GBP5: variants seen among roughly 807,000 people sequenced by gnomAD.
GBP5 encodes guanylate binding protein 5, also known as guanylate-binding protein 5.
A neutral mutation model predicts 58.2 loss-of-function variants in GBP5; 48 were observed. The observed-to-expected ratio is 0.83, with a 90% confidence interval of 0.65 to 1.05. The LOEUF (loss-of-function observed/expected upper bound fraction) is 1.05, where lower values mean the gene tolerates loss of function less well. Ranked by LOEUF, GBP5 falls within the 50% of genes least tolerant of loss-of-function variation. GBP5 has a pLI of 0.00. For synonymous variants in GBP5, 248 were observed against 251.8 expected, an observed-to-expected ratio of 0.98 and a Z score of 0.14; for missense variants, 714 against 686.8, an observed-to-expected ratio of 1.04 and a Z score of -0.44.
rs138104873 is a variant in GBP5 at position 89,260,797 on chromosome 1, G to A, written c.1668C>T (p.Ser556=). The A allele has an allele frequency of 8.1e-6, 13 of 1,613,592 alleles. No individual in the cohort carries two copies. Among genetic ancestry groups the A allele is most frequent in the Non-Finnish European group, 9.3e-6 (11 of 1,179,624 alleles). ...TTCTATTTTGAGCTTGGAATGTTGT[G>A]CTGAGCTGTGCAGCCTGTTCCTAAA... The part of the protein sequence containing the change: ...QQMQEQAAQL[S]TTFQAQNRSL... Residue 556 remains serine (S), a synonymous_variant, in exon 12 of 12, where the codon AGC becomes AGT. Coordinates refer to ENST00000370459, the MANE Select transcript of GBP5 (RefSeq NM_052942.5).
At chr1:89,272,009 A>AT (rs777608483) in intron 1 of GBP5, 16 of 152,276 alleles carry the variant, frequency 1.1e-4, no homozygotes, top group Non-Finnish European at 1.9e-4. Context: ...TCTGGGCAAC[A>AT]TTTTTTTCTT....
At chr1:89,266,839 G>A in intron 6 of GBP5, 118 bp downstream of exon 6, 1 of 654,624 alleles carries the variant, frequency 1.5e-6, no homozygotes, top group Non-Finnish European at 2.4e-6. Flanking sequence ...TTATTTTTTA[G>A]GAGAGCTGGG....
At position 89,267,153 on chromosome 1, in the gene GBP5, G is replaced by A. The variant is rs778090602; in HGVS notation, c.429C>T (p.His143=). Residue 143 remains histidine, a splice_region_variant and synonymous_variant, in exon 6 of 12, where the codon CAC becomes CAT. Coordinates refer to ENST00000370459, the MANE Select transcript of GBP5 (RefSeq NM_052942.5). ...GCAGATCTGTCAGTTCTGTCACATTGCTGAGATGCAATTAAAGAAAACTGG... is the reference window on the plus strand; with the variant it reads ...GCAGATCTGTCAGTTCTGTCACATTACTGAGATGCAATTAAAGAAAACTGG... ...KIDQGAIDLL[H]NVTELTDLLK... 5.7e-6 allele frequency: 9 copies of A among 1,577,378 alleles called. No individual in the cohort carries two copies. The East Asian group carries it at 9.0e-5, about 16-fold the overall frequency.
chr1:89,262,030 G>A, intron 11 of GBP5, 190 bp downstream of exon 11: 2 of 575,940 alleles, frequency 3.5e-6, no homozygotes, highest in South Asian at 2.3e-5. Context: ...AGGAAAATTA[G>A]GCACAGAGGT....
Position 89,260,692 on chromosome 1 carries a change from A to G in GBP5, c.*12T>C. ...CAAAGAGTAAAAAAAGGAAACTCCCATATTTAGCACTTTAGAGTAAAACAC... is the reference window on the plus strand; with the variant it reads ...CAAAGAGTAAAAAAAGGAAACTCCCGTATTTAGCACTTTAGAGTAAAACAC... On this transcript the variant is annotated 3_prime_UTR_variant, in exon 12 of 12. Transcript: ENST00000370459. The G allele has an allele frequency of 6.4e-7, 1 of 1,558,776 alleles. No homozygotes were observed. Among genetic ancestry groups the G allele is most frequent in the Non-Finnish European group, 8.8e-7 (1 of 1,130,198 alleles).
chr1:89,261,983 T>A lies in GBP5; in HGVS notation c.1647+237A>T, dbSNP rs1650019618. The A allele has an allele frequency of 2.9e-5, 15 of 522,348 alleles. No individual in the cohort carries two copies. The Admixed American group carries it at 3.8e-4, about 13-fold the overall frequency. 32.4% of individuals were successfully genotyped at this position (522,348 alleles called of 1,614,324 possible). On this transcript the variant is annotated intron_variant, in intron 11 of 11. Transcript: ENST00000370459. ...TCATTTAATTATCAAAATAACCCTA[T>A]AACATAGATATCATCACTGTGTCCA...
At position 89,267,560 on chromosome 1, in the gene GBP5, T is replaced by C. The variant is rs912032910; in HGVS notation, c.319-34A>G. On this transcript the variant is annotated intron_variant, in intron 4 of 11. Coordinates refer to ENST00000370459, the MANE Select transcript of GBP5 (RefSeq NM_052942.5). ...CAGACCAAATTTAAGTCATGTCTCA[T>C]GGGATTCCCAGATGAGCGATATTTA... 4.2e-5 allele frequency: 56 copies of C among 1,336,930 alleles called. No homozygotes were observed. In the Middle Eastern group the frequency reaches 5.4e-4, roughly 13 times the overall value. The allele number at this position is 1,336,930 out of a possible 1,614,324, so 82.8% of individuals were successfully genotyped here.
At chr1:89,262,114 A>G in intron 11 of GBP5, 106 bp downstream of exon 11, 1 of 1,097,020 alleles carries the variant, frequency 9.1e-7, no homozygotes, top group Non-Finnish European at 1.4e-6. Flanking sequence ...TTCTGGCTCC[A>G]GACTCCCTGC....
At chr1:89,269,278 G>T in intron 3 of GBP5, 88 bp downstream of exon 3, 1 of 1,302,880 alleles carries the variant, frequency 7.7e-7, no homozygotes, top group Non-Finnish European at 1.1e-6. Context: ...TCATCCTCAT[G>T]TCTTACTCTC....
At chr1:89,267,984 T>C (rs961737730) in intron 4 of GBP5, among the ~76,000 whole-genome samples, 1 of 152,146 alleles carries the variant, frequency 6.6e-6, no homozygotes, top group Non-Finnish European at 1.5e-5. Context: ...CTTTAAGTCC[T>C]GGCAAATCAA....
At chr1:89,269,643 G>T in intron 2 of GBP5, 69 bp from the exon 3 acceptor site, 1 of 1,094,766 alleles carries the variant, frequency 9.1e-7, no homozygotes, top group Non-Finnish European at 1.4e-6. Context: ...AAGTCATTTT[G>T]CTTACTGAAC....
Position 89,263,727 on chromosome 1 carries a change from T to C in GBP5, c.1362+9A>G. 6.3e-7 allele frequency: 1 copy of C among 1,593,148 alleles called. No homozygotes were observed. Among genetic ancestry groups the C allele is most frequent in the Non-Finnish European group, 8.6e-7 (1 of 1,161,330 alleles). On this transcript the variant is annotated intron_variant, in intron 9 of 11. Coordinates refer to ENST00000370459, the MANE Select transcript of GBP5 (RefSeq NM_052942.5). ...AGCAATTCTCCACAATAGGTAGAAC[T>C]AGGGATACCTGTATTCCTTTCCGAG...
Position 89,263,728 on chromosome 1 carries a change from A to G in GBP5, c.1362+8T>C, listed in dbSNP as rs896872337. On this transcript the variant is annotated splice_region_variant and intron_variant, in intron 9 of 11. Transcript: ENST00000370459. ...GCAATTCTCCACAATAGGTAGAACT[A>G]GGGATACCTGTATTCCTTTCCGAGG... 3.1e-6 allele frequency: 5 copies of G among 1,598,550 alleles called. No individual in the cohort carries two copies. The South Asian group carries it at 4.4e-5, about 14-fold the overall frequency.
Position 89,260,763 on chromosome 1 carries a change from T to G in GBP5, c.1702A>C (p.Ser568Arg). The G allele has an allele frequency of 1.2e-6, 2 of 1,614,150 alleles. No homozygotes were observed. Among genetic ancestry groups the G allele is most frequent in the South Asian group, 2.2e-5 (2 of 91,078 alleles). The change falls in exon 12 of 12, where the codon AGT becomes CGT. Residue 568 changes from serine to arginine, a missense_variant. By Grantham distance (110) the Ser-to-Arg change is moderately radical. Coordinates refer to ENST00000370459, the MANE Select transcript of GBP5 (RefSeq NM_052942.5). ...GTCCTCTGGGCGTGCTGGAGCTCACTGAGAAGGCTTCTATTTTGAGCTTGG... is the reference window on the plus strand; with the variant it reads ...GTCCTCTGGGCGTGCTGGAGCTCACGGAGAAGGCTTCTATTTTGAGCTTGG... ...TFQAQNRSLL[S>R]ELQHAQRTVN...
At position 89,262,580 on chromosome 1, in the gene GBP5, T is replaced by C. The variant is rs1650050785; in HGVS notation, c.1465+103A>G. On this transcript the variant is annotated intron_variant, in intron 10 of 11. Transcript: ENST00000370459. ...ATGCTTGAGGAGCTAAGAAGCATCTTTGCCATTCTTGCTCTAGTTTAACAT... is the reference window on the plus strand; with the variant it reads ...ATGCTTGAGGAGCTAAGAAGCATCTCTGCCATTCTTGCTCTAGTTTAACAT... The C allele has an allele frequency of 4.4e-6, 4 of 914,770 alleles. No homozygotes were observed. The South Asian group carries it at 6.0e-5, about 14-fold the overall frequency. The allele number at this position is 914,770 out of a possible 1,614,324, so 56.7% of individuals were successfully genotyped here. A position where few individuals can be genotyped will look rare whatever the true frequency, so the allele number is the denominator to read the frequency against.
rs1283526021 is a variant in GBP5, at chr1:89,260,705, T to C, written c.1760A>G (p.Ter587=). 1.2e-6 allele frequency: 2 copies of C among 1,602,738 alleles called. No homozygotes were observed. The highest frequency in any genetic ancestry group is 1.7e-5 in the Admixed American group (1 of 59,982). The change falls in exon 12 of 12, where the codon TAA becomes TGA. Residue 587 remains the stop codon, a stop_retained_variant. Coordinates refer to ENST00000370459, the MANE Select transcript of GBP5 (RefSeq NM_052942.5). The part of the protein sequence containing the change: ...VNNDDPCVLL[*] ...AAGGAAACTCCCATATTTAGCACTTTAGAGTAAAACACATGGATCATCGTT... is the reference window on the plus strand; with the variant it reads ...AAGGAAACTCCCATATTTAGCACTTCAGAGTAAAACACATGGATCATCGTT...
In GBP5 at chr1:89,260,783, G is replaced by C; in HGVS notation, c.1682C>G (p.Ala561Gly). ...CTCACTGAGAAGGCTTCTATTTTGA[G>C]CTTGGAATGTTGTGCTGAGCTGTGC... ...QAAQLSTTFQ[A>G]QNRSLLSELQ... The change falls in exon 12 of 12, where the codon GCT (alanine) becomes GGT (glycine). Residue 561 changes from alanine to glycine, a missense_variant. Coordinates refer to ENST00000370459, the MANE Select transcript of GBP5 (RefSeq NM_052942.5). The C allele has an allele frequency of 6.2e-7, 1 of 1,614,044 alleles. No individual in the cohort carries two copies. Among genetic ancestry groups the C allele is most frequent in the Non-Finnish European group, 8.5e-7 (1 of 1,179,944 alleles).
Position 89,259,806 on chromosome 1 carries a change from G to A in GBP5, c.*898C>T, listed in dbSNP as rs1272683302. 6.6e-6 allele frequency: 1 copy of A among 152,380 alleles called. No individual in the cohort carries two copies. The highest frequency in any genetic ancestry group is 2.4e-5 in the African/African-American group (1 of 41,352). The allele number at this position is 152,380 out of a possible 1,614,324, so 9.4% of individuals were successfully genotyped here. ...GGATGTGGCCATACTGGGAGGAAAA[G>A]TCTCCACAAATGGCCTTGCCCCCCC... On this transcript the variant is annotated 3_prime_UTR_variant, in exon 12 of 12. Coordinates refer to ENST00000370459, the MANE Select transcript of GBP5 (RefSeq NM_052942.5).
At chr1:89,269,794 T>G (rs1381707981) in intron 2 of GBP5, 1 of 305,540 alleles carries the variant, frequency 3.3e-6, no homozygotes, top group Non-Finnish European at 5.9e-6. Context: ...CTATAGGCCA[T>G]TCTACTGGTT....
Sources: allele counts gnomAD v4.1 joint callset (sites outside exome capture counted in the v4.1 genomes callset), GRCh38; gene constraint gnomAD v4.1.1; transcripts MANE v1.5; gene names NCBI Gene and HGNC (gene_info 2026-07-23, HGNC 2026-07-21).